The following TAX1BP1 variants were observed in gnomAD, a reference collection of about 807,000 sequenced individuals.
TAX1BP1 encodes tax1-binding protein 1.
A neutral mutation model predicts 97.7 loss-of-function variants in TAX1BP1; 62 were observed. That is an observed-to-expected ratio of 0.63 (90% confidence interval 0.52 to 0.78). The LOEUF is 0.78. Ranked by LOEUF, TAX1BP1 falls within the 30% of genes least tolerant of loss-of-function variation. The pLI is 0.00. For synonymous variants in TAX1BP1, 340 were observed against 304.2 expected, an observed-to-expected ratio of 1.12 and a Z score of -1.23; for missense variants, 867 against 916.1, an observed-to-expected ratio of 0.95 and a Z score of 0.69.
At chr7:27,785,516 G>A in intron 7 of TAX1BP1, 27 bp downstream of exon 7, 2 of 1,565,628 alleles carry the variant, frequency 1.3e-6, no homozygotes, top group Non-Finnish European at 1.7e-6. Flanking sequence ...CATATCTATT[G>A]CCTGTTGCTT....
chr7:27,797,196 A>G (rs1374203246), intron 12 of TAX1BP1, among the ~76,000 whole-genome samples: 1 of 151,732 alleles, frequency 6.6e-6, no homozygotes, highest in South Asian at 2.1e-4. Flanking sequence ...GCGGGGTTTC[A>G]CGATGTTAGC....
At chr7:27,785,574 G>A in intron 7 of TAX1BP1, 85 bp downstream of exon 7, 1 of 1,121,444 alleles carries the variant, frequency 8.9e-7, no homozygotes, top group South Asian at 1.5e-5. Context: ...AGCAATTTAG[G>A]AGCAGCTTAG....
chr7:27,747,162 C>G (rs771356059), intron 1 of TAX1BP1, among the ~76,000 whole-genome samples: 1 of 152,168 alleles, frequency 6.6e-6, no homozygotes, highest in Non-Finnish European at 1.5e-5. Flanking sequence ...TTTAATGACT[C>G]AAGCAAGTGC....
chr7:27,756,969 C>T (rs920645630), intron 2 of TAX1BP1, among the ~76,000 whole-genome samples: 1 of 152,134 alleles, frequency 6.6e-6, no homozygotes, highest in Admixed American at 6.5e-5. Context: ...AGTACTTTCT[C>T]TTCTATATAA....
In TAX1BP1 at chr7:27,800,103, C is replaced by A; in HGVS notation, c.1764+13C>A. On this transcript the variant is annotated intron_variant, in intron 13 of 16. Transcript: ENST00000396319. ...GGACAATTATAAAGTAAGTTTGGTA[C>A]TCCTTGTATGTAAACTTAAGGCATA... 6.4e-7 allele frequency: 1 copy of A among 1,560,872 alleles called. No homozygotes were observed.
intron 2 of TAX1BP1, among the ~76,000 whole-genome samples, chr7:27,750,021 G>T (rs925700616): frequency 3.3e-5 from 5 of 152,038 alleles, no homozygotes; most frequent in African/African-American, 1.2e-4. Context: ...AACTTCCTAG[G>T]CTTAAGTGAT....
At chr7:27,791,981 A>G in intron 8 of TAX1BP1, 25 bp from the exon 9 acceptor site, 1 of 1,605,638 alleles carries the variant, frequency 6.2e-7, no homozygotes, top group South Asian at 1.1e-5. Flanking sequence ...GTTGAATTAC[A>G]AATATATTTA....
intron 3 of TAX1BP1, among the ~76,000 whole-genome samples, chr7:27,764,444 A>G (rs1388500495): frequency 6.6e-6 from 1 of 152,234 alleles, no homozygotes; most frequent in Admixed American, 6.5e-5. Flanking sequence ...AATGCCATAG[A>G]AACAGTATTG....
chr7:27,751,956 G>A (rs1305788201), intron 2 of TAX1BP1, among the ~76,000 whole-genome samples: 1 of 152,182 alleles, frequency 6.6e-6, no homozygotes, highest in South Asian at 2.1e-4. Context: ...CCCAGCTACA[G>A]ATACCAGTTT....
intron 2 of TAX1BP1, among the ~76,000 whole-genome samples, chr7:27,754,520 C>T (rs1195344604): frequency 6.6e-6 from 1 of 151,720 alleles, no homozygotes; most frequent in Non-Finnish European, 1.5e-5. Flanking sequence ...TTAAGTATTT[C>T]CTTCCAGCCT....
intron 12 of TAX1BP1, among the ~76,000 whole-genome samples, chr7:27,798,657 C>G (rs1366756010): frequency 2.8e-4 from 35 of 126,930 alleles, no homozygotes; most frequent in Non-Finnish European, 4.2e-4. Flanking sequence ...GAGTGAGACT[C>G]TGTCTCAAAA....
intron 3 of TAX1BP1, 50 bp downstream of exon 3, chr7:27,758,183 A>G (rs1486713125): frequency 1.4e-6 from 2 of 1,394,674 alleles, no homozygotes; most frequent in South Asian, 1.2e-5. Flanking sequence ...TCTTATTGCC[A>G]TTAAAGATGT....
At chr7:27,779,092 T>C (rs934521464) in intron 5 of TAX1BP1, among the ~76,000 whole-genome samples, 1 of 152,190 alleles carries the variant, frequency 6.6e-6, no homozygotes, top group African/African-American at 2.4e-5. Flanking sequence ...ATTTTGAGGT[T>C]CATCCATAGA....
chr7:27,796,046 T>C, intron 11 of TAX1BP1, 70 bp from the exon 12 acceptor site: 1 of 1,173,104 alleles, frequency 8.5e-7, no homozygotes, highest in East Asian at 2.4e-5. Context: ...ACCTTTAAGT[T>C]ATTCTGAACA....
At chr7:27,750,161 T>A (rs1417253908) in intron 2 of TAX1BP1, among the ~76,000 whole-genome samples, 1 of 152,156 alleles carries the variant, frequency 6.6e-6, no homozygotes, top group Admixed American at 6.5e-5. Context: ...ACTGATGTTT[T>A]CTGTAGTAAC....
At position 27,815,778 on chromosome 7, in the gene TAX1BP1, G is replaced by A. The variant is rs1372401519; in HGVS notation, c.1765-571G>A. 2.6e-5 allele frequency among the ~76,000 whole-genome samples: 4 copies of A among 152,178 alleles called. No homozygotes were observed. In the South Asian group the frequency reaches 6.2e-4, roughly 24 times the overall value. ...TGGCCGGGTGCAGTGGCTCATGCCT[G>A]TAATCCCAGCACTTTGGGAGGCTGA... On this transcript the variant is annotated intron_variant, in intron 13 of 16. Transcript: ENST00000396319.
At chr7:27,808,608 T>C (rs986115751) in intron 13 of TAX1BP1, among the ~76,000 whole-genome samples, 3 of 152,144 alleles carry the variant, frequency 2.0e-5, no homozygotes, top group African/African-American at 7.2e-5. Flanking sequence ...ATTTCTCCTA[T>C]TTACCAGTTG....
chr7:27,742,035 A>C (rs1002515421), intron 1 of TAX1BP1, among the ~76,000 whole-genome samples: 3 of 152,230 alleles, frequency 2.0e-5, no homozygotes. Flanking sequence ...TCCCACCTCC[A>C]GCCCTAAGGC....
chr7:27,741,499 CTTT>C (rs575515207), intron 1 of TAX1BP1, among the ~76,000 whole-genome samples: 2 of 142,616 alleles, frequency 1.4e-5, no homozygotes, highest in African/African-American at 2.6e-5. Context: ...TCATCACGTT[CTTT>C]TTTTTTTTTT....
Sources: gnomAD v4.1 joint callset for allele counts (sites outside exome capture counted in the v4.1 genomes callset) on GRCh38, gnomAD v4.1.1 for gene constraint, MANE v1.5 for transcripts, NCBI Gene and HGNC (gene_info 2026-07-23, HGNC 2026-07-21) for gene names.